The following VEPH1 variants were observed in gnomAD, a reference collection of about 807,000 sequenced individuals.
The protein encoded by VEPH1 is ventricular zone expressed PH domain containing 1, also known as ventricular zone-expressed PH domain-containing protein homolog 1.
A neutral mutation model predicts 85.2 loss-of-function variants in VEPH1; 80 were observed. The observed-to-expected ratio is 0.94, with a 90% CI of 0.78 to 1.13. The LOEUF (loss-of-function observed/expected upper bound fraction) is 1.13. Ranked by LOEUF, VEPH1 falls within the 50% of genes most tolerant of loss-of-function variation. The pLI, the probability that VEPH1 is intolerant of heterozygous loss-of-function variation, is 0.00. For missense variants in VEPH1, 955 were observed against 980.5 expected (o/e 0.97, Z 0.35); for synonymous variants, 297 against 348.0 (o/e 0.85, Z 1.63).
At chr3:157,487,876 T>C (rs1738796426) in intron 2 of VEPH1, among the ~76,000 whole-genome samples, 1 of 152,072 alleles carries the variant, frequency 6.6e-6, no homozygotes, top group Non-Finnish European at 1.5e-5. Flanking sequence ...CAGGAATAAA[T>C]GGGAACCTCC....
chr3:157,403,346 C>G (rs1730909755), intron 6 of VEPH1, among the ~76,000 whole-genome samples: 2 of 152,180 alleles, frequency 1.3e-5, no homozygotes, highest in South Asian at 4.1e-4. Flanking sequence ...TATTTAGGAA[C>G]ACCCTCTCCC....
chr3:157,481,480 A>C (rs919865439), intron 2 of VEPH1, among the ~76,000 whole-genome samples: 9 of 149,324 alleles, frequency 6.0e-5, no homozygotes, highest in African/African-American at 2.0e-4. Context: ...AAAAAAAAAA[A>C]AAAAAACAAT....
intron 7 of VEPH1, among the ~76,000 whole-genome samples, chr3:157,367,382 C>T (rs1472997695): frequency 6.6e-6 from 1 of 152,158 alleles, no homozygotes; most frequent in African/African-American, 2.4e-5. Flanking sequence ...TCTCTAGATG[C>T]TATTTTACAA....
intron 1 of VEPH1, among the ~76,000 whole-genome samples, chr3:157,500,440 A>T (rs776765392): frequency 1.2e-4 from 18 of 152,180 alleles, no homozygotes; most frequent in Non-Finnish European, 2.1e-4. Context: ...CCACAGTTAA[A>T]CCAGGTCATA....
Position 157,278,779 on chromosome 3 carries a change from G to A in VEPH1, c.2128+7778C>T, listed in dbSNP as rs543127200. Among the ~76,000 whole-genome samples the A allele has an allele frequency of 3.9e-5, 6 of 152,306 alleles. No individual in the cohort carries two copies. The South Asian group carries it at 1.2e-3, about 32-fold the overall frequency. On this transcript the variant is annotated intron_variant, in intron 12 of 13. Transcript: ENST00000362010. ...GGGGGTGGTGGAGAAGGCAGTGAGTGGGCCTCTGGTTGGTACAATAGATTG... is the reference window on the plus strand; with the variant it reads ...GGGGGTGGTGGAGAAGGCAGTGAGTAGGCCTCTGGTTGGTACAATAGATTG...
Position 157,364,385 on chromosome 3 carries a change from C to G in VEPH1, c.1255G>C (p.Gly419Arg). 1 of 1,614,016 alleles carries G rather than the reference C, an allele frequency of 6.2e-7. No individual in the cohort carries two copies. The change falls in exon 8 of 14, where the codon GGG (glycine) becomes CGG (arginine). Residue 419 changes from glycine to arginine, a missense_variant. Physicochemically the swap from Gly to Arg is moderately radical, Grantham distance 125 (BLOSUM62 -2). Transcript: ENST00000362010. ...IQAFEDKINA[G>R]SNTPGSIRRY... ...CTGATAGAGCCAGGGGTATTGCTCC[C>G]TGCATTTATCTTGTCTTCAAAAGCC...
At chr3:157,358,773 G>A (rs1322053129) in intron 9 of VEPH1, among the ~76,000 whole-genome samples, 2 of 152,128 alleles carry the variant, frequency 1.3e-5, no homozygotes, top group Non-Finnish European at 1.5e-5. Context: ...CGAGATGGGC[G>A]GATCACGAGG....
intron 6 of VEPH1, among the ~76,000 whole-genome samples, chr3:157,413,177 C>A (rs1731653025): frequency 6.6e-6 from 1 of 152,248 alleles, no homozygotes; most frequent in South Asian, 2.1e-4. Flanking sequence ...TAAATCCCAA[C>A]ATGAAATCAT....
intron 12 of VEPH1, among the ~76,000 whole-genome samples, chr3:157,275,056 AACT>A (rs1406600542): frequency 6.6e-6 from 1 of 152,118 alleles, no homozygotes; most frequent in Non-Finnish European, 1.5e-5. Context: ...ACCTCCACAT[AACT>A]ACTGTTCACA....
intron 11 of VEPH1, among the ~76,000 whole-genome samples, chr3:157,308,207 C>T (rs1719727361): frequency 6.6e-6 from 1 of 151,612 alleles, no homozygotes; most frequent in African/African-American, 2.4e-5. Context: ...AATCCTTATA[C>T]TTAACTGCTT....
chr3:157,418,572 C>T (rs1009515894), intron 5 of VEPH1, among the ~76,000 whole-genome samples: 4 of 152,132 alleles, frequency 2.6e-5, no homozygotes, highest in African/African-American at 9.7e-5. Flanking sequence ...TGAATAAATT[C>T]CCATTCGCAA....
At chr3:157,346,228 T>C (rs1398204605) in intron 9 of VEPH1, among the ~76,000 whole-genome samples, 1 of 152,196 alleles carries the variant, frequency 6.6e-6, no homozygotes, top group Non-Finnish European at 1.5e-5. Flanking sequence ...CTCTTCTTAA[T>C]ATCTCCAAAG....
At chr3:157,485,891 T>C (rs1738578336) in intron 2 of VEPH1, among the ~76,000 whole-genome samples, 1 of 152,070 alleles carries the variant, frequency 6.6e-6, no homozygotes, top group Non-Finnish European at 1.5e-5. Flanking sequence ...TATATACTAA[T>C]GAAAAGAAAA....
intron 4 of VEPH1, chr3:157,437,946 C>A: frequency 6.6e-7 from 1 of 1,524,060 alleles, no homozygotes; most frequent in Non-Finnish European, 8.7e-7. Flanking sequence ...GGACCTCCCA[C>A]TGCGGCTTTG....
chr3:157,343,222 A>C (rs1210867668), intron 9 of VEPH1, among the ~76,000 whole-genome samples: 1 of 152,182 alleles, frequency 6.6e-6, no homozygotes, highest in Admixed American at 6.5e-5. Context: ...CCCTTCAAAA[A>C]ATCAATGAAT....
At chr3:157,472,013 C>T (rs1737005111) in intron 2 of VEPH1, among the ~76,000 whole-genome samples, 2 of 152,018 alleles carry the variant, frequency 1.3e-5, no homozygotes, top group South Asian at 2.1e-4. Flanking sequence ...AGTTAATCTC[C>T]CTGTCAGCGC....
chr3:157,439,118 AT>A (rs1733909765), intron 4 of VEPH1, among the ~76,000 whole-genome samples: 1 of 152,206 alleles, frequency 6.6e-6, no homozygotes, highest in African/African-American at 2.4e-5. Context: ...ATAAAATCAA[AT>A]GTACACTAGA....
At chr3:157,376,048 C>T (rs1728062263) in intron 7 of VEPH1, among the ~76,000 whole-genome samples, 1 of 152,190 alleles carries the variant, frequency 6.6e-6, no homozygotes, top group South Asian at 2.1e-4. Context: ...CCTCCTCTGC[C>T]CCAGGCCTGT....
intron 3 of VEPH1, among the ~76,000 whole-genome samples, chr3:157,463,532 G>T (rs1347349449): frequency 9.2e-5 from 14 of 152,074 alleles, no homozygotes; most frequent in Non-Finnish European, 4.4e-5. Context: ...ATTTAATTGG[G>T]CCTGATCTGA....
Sources: allele counts gnomAD v4.1 joint callset (sites outside exome capture counted in the v4.1 genomes callset), GRCh38; gene constraint gnomAD v4.1.1; transcripts MANE v1.5; gene names NCBI Gene and HGNC (gene_info 2026-07-23, HGNC 2026-07-21).